The following SFMBT2 variants were observed in gnomAD, a reference collection of about 807,000 sequenced individuals.
SFMBT2 encodes Scm like with four mbt domains 2, also known as scm-like with four MBT domains protein 2.
Under a neutral mutation model 110.1 loss-of-function variants are expected in SFMBT2, and 38 were observed. The observed-to-expected ratio is 0.35, with a 90% confidence interval of 0.27 to 0.45. The LOEUF (loss-of-function observed/expected upper bound fraction) is 0.45. Ranked by LOEUF, SFMBT2 falls within the 20% of genes least tolerant of loss-of-function variation. The pLI is 1.00. For missense variants in SFMBT2, 1,011 were observed against 1,094.9 expected (o/e 0.92, Z 1.08); for synonymous variants, 425 against 425.4 (o/e 1.00, Z 0.01).
At chr10:7,366,310 G>T (rs1019739601) in intron 4 of SFMBT2, among the ~76,000 whole-genome samples, 2 of 151,584 alleles carry the variant, frequency 1.3e-5, no homozygotes, top group Non-Finnish European at 1.5e-5. Context: ...TCACATAAAT[G>T]CAACTCTTAA....
intron 4 of SFMBT2, among the ~76,000 whole-genome samples, chr10:7,304,862 A>G (rs1431517446): frequency 6.6e-6 from 1 of 152,210 alleles, no homozygotes; most frequent in Non-Finnish European, 1.5e-5. Flanking sequence ...TGCCTAAAGG[A>G]GACAGCTCTC....
At chr10:7,360,672 A>T (rs1844687535) in intron 4 of SFMBT2, among the ~76,000 whole-genome samples, 1 of 152,180 alleles carries the variant, frequency 6.6e-6, no homozygotes, top group African/African-American at 2.4e-5. Context: ...ATAGATATTA[A>T]AATTAAATAC....
chr10:7,247,122 G>C (rs1342162805), intron 8 of SFMBT2, among the ~76,000 whole-genome samples: 3 of 151,996 alleles, frequency 2.0e-5, no homozygotes, highest in African/African-American at 4.8e-5. Flanking sequence ...TTTTGTTGTT[G>C]TTTGTTTGTT....
chr10:7,393,036 A>G (rs1310398920), intron 1 of SFMBT2, among the ~76,000 whole-genome samples: 2 of 18,444 alleles, frequency 1.1e-4, no homozygotes, highest in East Asian at 8.2e-4. Context: ...TATATATATA[A>G]TTTTTTTTTT....
intron 4 of SFMBT2, among the ~76,000 whole-genome samples, chr10:7,350,844 T>C (rs190227861): frequency 4.6e-5 from 7 of 152,218 alleles, no homozygotes; most frequent in Admixed American, 3.3e-4. Flanking sequence ...TTACAACTTT[T>C]TGGAGGATTG....
In SFMBT2 at chr10:7,364,728, C is replaced by T. The variant is rs1201272552; in HGVS notation, c.436+2921G>A. On this transcript the variant is annotated intron_variant, in intron 4 of 20. Coordinates refer to ENST00000397167, the MANE Select transcript of SFMBT2 (RefSeq NM_001387889.1). ...GCAACAAGGATGGGGCCTGAGGCTC[C>T]CACCCACTCTATGTGCCCCCTCTGT... 2.6e-5 allele frequency among the ~76,000 whole-genome samples: 4 copies of T among 152,180 alleles called. No homozygotes were observed. The South Asian group carries it at 6.2e-4, about 24-fold the overall frequency.
intron 6 of SFMBT2, among the ~76,000 whole-genome samples, chr10:7,283,448 G>A (rs1408738201): frequency 6.6e-6 from 1 of 151,574 alleles, no homozygotes. Context: ...AATGCTGGAT[G>A]GATAGGTGGA....
At chr10:7,388,959 G>T (rs1845696244) in intron 1 of SFMBT2, among the ~76,000 whole-genome samples, 2 of 152,154 alleles carry the variant, frequency 1.3e-5, no homozygotes, top group Non-Finnish European at 2.9e-5. Flanking sequence ...TGCAGGCAAG[G>T]GTGTGAACTA....
chr10:7,331,925 G>A (rs746619240), intron 4 of SFMBT2, among the ~76,000 whole-genome samples: 12 of 149,886 alleles, frequency 8.0e-5, no homozygotes, highest in African/African-American at 1.2e-4. Flanking sequence ...CATGAGAATC[G>A]CTTGAAGCTC....
chr10:7,304,451 G>A (rs190929293), intron 4 of SFMBT2, among the ~76,000 whole-genome samples: 443 of 152,262 alleles, frequency 2.9e-3, no homozygotes, highest in Non-Finnish European at 5.2e-3. Flanking sequence ...TCATAGCAGA[G>A]TGAAAATGGA....
At chr10:7,314,947 AAGAGAGAAAGAAAAGAG>A (rs1842944918) in intron 4 of SFMBT2, among the ~76,000 whole-genome samples, 1 of 150,584 alleles carries the variant, frequency 6.6e-6, no homozygotes, top group Non-Finnish European at 1.5e-5. Flanking sequence ...GAGAAAGAGA[AAGAGAGAAAGAAAAGAG>A]AGAGAGAGAG....
At chr10:7,361,074 T>A (rs1844702280) in intron 4 of SFMBT2, among the ~76,000 whole-genome samples, 1 of 152,230 alleles carries the variant, frequency 6.6e-6, no homozygotes, top group Admixed American at 6.5e-5. Context: ...TACCAATGTG[T>A]TCTGCTCTCT....
At chr10:7,350,071 C>A (rs1379245835) in intron 4 of SFMBT2, among the ~76,000 whole-genome samples, 1 of 152,226 alleles carries the variant, frequency 6.6e-6, no homozygotes, top group African/African-American at 2.4e-5. Context: ...GCACTGCCCA[C>A]AGCCCCACTC....
At chr10:7,362,550 G>C (rs151022194) in intron 4 of SFMBT2, among the ~76,000 whole-genome samples, 1 of 152,186 alleles carries the variant, frequency 6.6e-6, no homozygotes. Flanking sequence ...AAGTGTCCTC[G>C]AAGATCTGGA....
chr10:7,283,346 G>C (rs1842000146), intron 6 of SFMBT2, among the ~76,000 whole-genome samples: 1 of 152,160 alleles, frequency 6.6e-6, no homozygotes, highest in African/African-American at 2.4e-5. Context: ...AAAACATGAT[G>C]GTCTATCTAC....
At chr10:7,250,912 A>C (rs1353009853) in intron 7 of SFMBT2, among the ~76,000 whole-genome samples, 1 of 152,200 alleles carries the variant, frequency 6.6e-6, no homozygotes, top group East Asian at 1.9e-4. Flanking sequence ...ATTAACACAC[A>C]CCAGCCATCA....
chr10:7,200,386 C>A, intron 14 of SFMBT2, 28 bp downstream of exon 14: 1 of 1,540,280 alleles, frequency 6.5e-7, no homozygotes, highest in Non-Finnish European at 8.8e-7. Context: ...TGGGAAGGCA[C>A]AGAGACCCCC....
chr10:7,347,939 C>T (rs1168029102), intron 4 of SFMBT2, among the ~76,000 whole-genome samples: 1 of 152,184 alleles, frequency 6.6e-6, no homozygotes, highest in East Asian at 1.9e-4. Context: ...ATCTAAAGAT[C>T]CATTTGGGAT....
At chr10:7,227,964 C>G in intron 9 of SFMBT2, 27 bp from the exon 10 acceptor site, 1 of 1,541,076 alleles carries the variant, frequency 6.5e-7, no homozygotes, top group East Asian at 2.4e-5. Context: ...ACAGATAAAA[C>G]AGCGCACATT....
Sources: allele counts gnomAD v4.1 joint callset (sites outside exome capture counted in the v4.1 genomes callset), GRCh38; gene constraint gnomAD v4.1.1; transcripts MANE v1.5; gene names NCBI Gene and HGNC (gene_info 2026-07-23, HGNC 2026-07-21).